Variants in DCAF8L2 observed in about 807,000 individuals in gnomAD.
DCAF8L2 encodes DDB1- and CUL4-associated factor 8-like protein 2.
For missense variants in DCAF8L2, 430 were observed against 490.7 expected (o/e 0.88, Z 1.17); for synonymous variants, 200 against 190.9 (o/e 1.05, Z -0.39).
At chrX:27,575,356 G>C in the DCAF8L2 span, among the ~76,000 whole-genome samples, 1 of 111,527 alleles carries the variant, frequency 9.0e-6, no homozygotes, top group Non-Finnish European at 1.9e-5. Context: ...GCCCAGGATG[G>C]GGGTGTGGAG....
intron 1 of DCAF8L2, among the ~76,000 whole-genome samples, chrX:27,619,887 A>G (rs1040136311): frequency 2.7e-5 from 3 of 111,721 alleles, no homozygotes; most frequent in Non-Finnish European, 5.6e-5. Context: ...AGACTAAAAT[A>G]TTTGCAATAC....
At chrX:27,515,914 A>T in the DCAF8L2 span, among the ~76,000 whole-genome samples, 1 of 112,129 alleles carries the variant, frequency 8.9e-6, no homozygotes, top group African/African-American at 3.2e-5. Context: ...TTCAAGGTTA[A>T]CCAGCTACGT....
At chrX:27,598,862 T>C (rs1431874497) in intron 1 of DCAF8L2, among the ~76,000 whole-genome samples, 2 of 108,693 alleles carry the variant, frequency 1.8e-5, no homozygotes, top group African/African-American at 6.7e-5. Context: ...AAATGAAAGA[T>C]AAGTGTTGGT....
intron 1 of DCAF8L2, among the ~76,000 whole-genome samples, chrX:27,591,282 A>T (rs985030201): frequency 9.9e-5 from 11 of 110,558 alleles, no homozygotes; most frequent in African/African-American, 3.6e-4. Context: ...CAGGCTACAG[A>T]AAGTTTAGCA....
chrX:27,552,994 T>C, the DCAF8L2 span, among the ~76,000 whole-genome samples: 13 of 112,047 alleles, frequency 1.2e-4, no homozygotes, highest in South Asian at 4.7e-3. Context: ...GTTATACTTA[T>C]TCCTGGGTAT....
At chrX:27,622,317 A>G (rs5926844) in intron 1 of DCAF8L2, among the ~76,000 whole-genome samples, 3,295 of 96,586 alleles carry the variant, frequency 0.034, 341 homozygotes, top group African/African-American at 0.13. Flanking sequence ...CCTAGCTACT[A>G]GGGAGGCTGA....
At chrX:27,490,456 TTTTTTGTTTTTTG>T in the DCAF8L2 span, among the ~76,000 whole-genome samples, 4 of 108,497 alleles carry the variant, frequency 3.7e-5, no homozygotes, top group African/African-American at 1.0e-4. Context: ...TTGTTTTTTG[TTTTTTGTTTTTTG>T]TTTTTTTTTG....
chrX:27,544,181 C>A, the DCAF8L2 span, among the ~76,000 whole-genome samples: 3 of 111,520 alleles, frequency 2.7e-5, no homozygotes, highest in African/African-American at 9.8e-5. Context: ...CAGGCCTCCT[C>A]TTCTCTCCTT....
At chrX:27,507,648 T>C in the DCAF8L2 span, among the ~76,000 whole-genome samples, 3 of 111,842 alleles carry the variant, frequency 2.7e-5, no homozygotes, top group African/African-American at 9.7e-5. Flanking sequence ...CTTCTAAATA[T>C]CCACTTCTTT....
At chrX:27,669,910 T>G (rs1929884806) in intron 2 of DCAF8L2, among the ~76,000 whole-genome samples, 1 of 111,558 alleles carries the variant, frequency 9.0e-6, no homozygotes, top group Non-Finnish European at 1.9e-5. Context: ...TCTTTGCCAT[T>G]GTGAATAGTG....
intron 3 of DCAF8L2, among the ~76,000 whole-genome samples, chrX:27,704,813 A>T (rs1931286575): frequency 9.0e-6 from 1 of 110,958 alleles, no homozygotes; most frequent in African/African-American, 3.3e-5. Flanking sequence ...AAGACATGAA[A>T]TTTTTTAATT....
the DCAF8L2 span, among the ~76,000 whole-genome samples, chrX:27,498,425 G>A: frequency 8.9e-6 from 1 of 112,300 alleles, no homozygotes; most frequent in East Asian, 2.8e-4. Context: ...CTTTGCTGAG[G>A]TAAAATTGAC....
intron 4 of DCAF8L2, among the ~76,000 whole-genome samples, chrX:27,742,335 G>A (rs959484934): frequency 9.0e-6 from 1 of 111,325 alleles, no homozygotes; most frequent in Non-Finnish European, 1.9e-5. Flanking sequence ...TTGGGAGGCC[G>A]AGGTGGACGG....
At chrX:27,531,822 C>T in the DCAF8L2 span, among the ~76,000 whole-genome samples, 2 of 111,381 alleles carry the variant, frequency 1.8e-5, no homozygotes, top group African/African-American at 6.5e-5. Flanking sequence ...AGTTACAGTT[C>T]ATACATTCAG....
chrX:27,741,959 G>T (rs920208042), intron 4 of DCAF8L2, among the ~76,000 whole-genome samples: 12 of 111,943 alleles, frequency 1.1e-4, no homozygotes, highest in Non-Finnish European at 1.7e-4. Flanking sequence ...ACCTAGGCTA[G>T]CTTGCTTTCA....
rs2147352062 is a variant in DCAF8L2 at position 27,747,352 on chromosome X, C to T, written c.457C>T (p.Pro153Ser). 8.6e-7 allele frequency: 1 copy of T among 1,162,552 alleles called. No individual in the cohort carries two copies. Among genetic ancestry groups the T allele is most frequent in the East Asian group, 3.3e-5 (1 of 30,560 alleles). ...GGAAGAAGAACAGCCTCGGGCGGGT[C>T]CACAAGGCAGTGGCGGCAACCATGA... ...EEEEEQPRAG[P>S]QGSGGNHEQY... Residue 153 changes from proline (P) to serine (S), a missense_variant, in exon 5 of 5, where the codon CCA becomes TCA. Pro to Ser is a moderately conservative substitution (Grantham distance 74). Coordinates refer to ENST00000451261, the MANE Select transcript of DCAF8L2 (RefSeq NM_001353450.2).
At chrX:27,492,239 A>G in the DCAF8L2 span, among the ~76,000 whole-genome samples, 3 of 111,900 alleles carry the variant, frequency 2.7e-5, no homozygotes, top group Non-Finnish European at 5.6e-5. Context: ...CTTTATCACA[A>G]CATTCTTTCT....
At chrX:27,528,506 A>G in the DCAF8L2 span, among the ~76,000 whole-genome samples, 4 of 105,710 alleles carry the variant, frequency 3.8e-5, no homozygotes, top group Admixed American at 4.2e-4. Flanking sequence ...ATATATACAC[A>G]CACACACACA....
the DCAF8L2 span, among the ~76,000 whole-genome samples, chrX:27,490,758 C>A: frequency 9.0e-6 from 1 of 111,465 alleles, no homozygotes. Flanking sequence ...CTGCACCCAG[C>A]CAGGCTTTTA....
Sources: allele counts gnomAD v4.1 joint callset (sites outside exome capture counted in the v4.1 genomes callset), GRCh38; gene constraint gnomAD v4.1.1; transcripts MANE v1.5; gene names NCBI Gene and HGNC (gene_info 2026-07-23, HGNC 2026-07-21).